ADO: variants seen among roughly 807,000 people sequenced by gnomAD.
ADO encodes the protein 2-aminoethanethiol (cysteamine) dioxygenase.
A neutral mutation model predicts 16.6 loss-of-function variants in ADO; 9 were observed. That is an observed-to-expected ratio of 0.54 (90% confidence interval 0.33 to 0.95). The LOEUF is 0.95. ADO is among the 40% of genes least tolerant of loss of function. ADO has a pLI of 0.03. For missense variants in ADO, 356 were observed against 386.4 expected (o/e 0.92, Z 0.66); for synonymous variants, 189 against 179.6 (o/e 1.05, Z -0.42).
chr10:62,805,947 G>C lies in ADO; in HGVS notation c.*75G>C. The C allele has an allele frequency of 7.4e-7, 1 of 1,343,646 alleles. No individual in the cohort carries two copies. Among genetic ancestry groups the C allele is most frequent in the Non-Finnish European group, 9.8e-7 (1 of 1,024,856 alleles). 83.2% of individuals were successfully genotyped at this position (1,343,646 alleles called of 1,614,324 possible). ...ACAAGGGCTGTGTCTCTACCCCCTA[G>C]CCTGGGCGTTGGATCTACTGGAATG... On this transcript the variant is annotated 3_prime_UTR_variant, in exon 1 of 1. Coordinates refer to ENST00000373783, the MANE Select transcript of ADO (RefSeq NM_032804.6). This position sits in a 1 kb window ranked among gnomAD's most constrained non-coding sequence, Gnocchi z 6.4.
Position 62,806,068 on chromosome 10 carries a change from GATTGTTTCC to G in ADO, c.*197_*205del, listed in dbSNP as rs1842050747. 1.9e-6 allele frequency: 1 copy of G among 517,308 alleles called. No homozygotes were observed. The highest frequency in any genetic ancestry group is 3.5e-6 in the Non-Finnish European group (1 of 288,590). The allele number at this position is 517,308 out of a possible 1,614,324, so 32.0% of individuals were successfully genotyped here. ...GGGGGCGGGGTGGGCGGGGAGGCTA[GATTGTTTCC>G]TGGTACTGTCACTGCCACTGGGGCT... On this transcript the variant is annotated 3_prime_UTR_variant, in exon 1 of 1. Transcript: ENST00000373783.
rs761288924 is a variant in ADO at position 62,805,791 on chromosome 10, G to A, written c.732G>A (p.Glu244=). The change falls in exon 1 of 1, where the codon GAG becomes GAA. Residue 244 remains glutamate, a synonymous_variant. Coordinates refer to ENST00000373783, the MANE Select transcript of ADO (RefSeq NM_032804.6). The surrounding 1 kb of genome is among the most constrained non-coding windows in gnomAD (Gnocchi z 6.4). ...ASSSACDLPR[E]VWLLETPQAD... ...GCTCGGCCTGTGACCTGCCTCGAGA[G>A]GTGTGGCTCCTGGAGACCCCACAGG... 3.8e-6 allele frequency: 6 copies of A among 1,590,486 alleles called. No homozygotes were observed. The Admixed American group carries it at 7.2e-5, about 19-fold the overall frequency.
At position 62,805,413 on chromosome 10, in the gene ADO, C is replaced by T. The variant is rs757958121; in HGVS notation, c.354C>T (p.His118=). Reference sequence around the variant, plus strand: ...CGCTGCACGACCACCCGGGCATGCACGGCATGCTCAAGGTGCTGTACGGCA... The same window carrying T: ...CGCTGCACGACCACCCGGGCATGCATGGCATGCTCAAGGTGCTGTACGGCA... ...SIPLHDHPGM[H]GMLKVLYGTV... is the part of the protein sequence containing the mutation. Residue 118 remains histidine, a synonymous_variant, in exon 1 of 1, where the codon CAC becomes CAT. Coordinates refer to ENST00000373783, the MANE Select transcript of ADO (RefSeq NM_032804.6). The surrounding 1 kb of genome is among the most constrained non-coding windows in gnomAD (Gnocchi z 6.4). The T allele has an allele frequency of 4.4e-6, 7 of 1,580,712 alleles. No homozygotes were observed. In the South Asian group the frequency reaches 4.5e-5, roughly 10 times the overall value.
In ADO at chr10:62,805,164, G is replaced by C. The variant is rs748879301; in HGVS notation, c.105G>C (p.Ala35=). 6 of 1,591,558 alleles carry C rather than the reference G, an allele frequency of 3.8e-6. No homozygotes were observed. The highest frequency in any genetic ancestry group is 5.1e-6 in the Non-Finnish European group (6 of 1,173,678). The part of the protein sequence containing the change: ...GGGRGASDRD[A]ASGPEAPMQP... ...GCCGCGGCGCTTCCGATCGCGACGCGGCTTCTGGCCCGGAGGCGCCGATGC... is the reference window on the plus strand; with the variant it reads ...GCCGCGGCGCTTCCGATCGCGACGCCGCTTCTGGCCCGGAGGCGCCGATGC... Residue 35 remains alanine (A), a synonymous_variant, in exon 1 of 1, where the codon GCG becomes GCC. Transcript: ENST00000373783. The surrounding 1 kb of genome is among the most constrained non-coding windows in gnomAD (Gnocchi z 6.4).
chr10:62,805,563 CGT>C lies in ADO; in HGVS notation c.506_507del (p.Val169AlafsTer71). On this transcript the variant is annotated frameshift_variant, in exon 1 of 1. Transcript: ENST00000373783. LOFTEE classifies it high-confidence loss of function. This position sits in a 1 kb window ranked among gnomAD's most constrained non-coding sequence, Gnocchi z 6.4. Reference protein sequence around the residue: ...PREREAVRPGVLRSRAEYTEA... With the variant: ...PREREAVRPGXLRSRAEYTEA... ...GGGAGCGAGAAGCCGTGCGGCCGGG[CGT>C]GCTGCGTTCGCGGGCCGAGTACACC... 1 of 1,562,422 alleles carries C rather than the reference CGT, an allele frequency of 6.4e-7. No individual in the cohort carries two copies. The highest frequency in any genetic ancestry group is 8.7e-7 in the Non-Finnish European group (1 of 1,154,836).
chr10:62,805,161 C>G lies in ADO; in HGVS notation c.102C>G (p.Asp34Glu), dbSNP rs538620100. 6.3e-7 allele frequency: 1 copy of G among 1,591,634 alleles called. No individual in the cohort carries two copies. The highest frequency in any genetic ancestry group is 1.8e-5 in the Admixed American group (1 of 56,108). ...GCGGCCGCGGCGCTTCCGATCGCGA[C>G]GCGGCTTCTGGCCCGGAGGCGCCGA... ...SGGGRGASDR[D>E]AASGPEAPMQ... is the part of the protein sequence containing the mutation. Residue 34 changes from aspartate to glutamate, a missense_variant, in exon 1 of 1, where the codon GAC becomes GAG. Transcript: ENST00000373783. This position sits in a 1 kb window ranked among gnomAD's most constrained non-coding sequence, Gnocchi z 6.4.
rs1357548050 is a variant in ADO, at chr10:62,806,030, C to T, written c.*158C>T. 3 of 123,166 alleles carry T rather than the reference C, an allele frequency of 2.4e-5. No homozygotes were observed. Among genetic ancestry groups the T allele is most frequent in the Non-Finnish European group, 3.2e-5 (2 of 62,080 alleles). 7.6% of individuals were successfully genotyped at this position (123,166 alleles called of 1,614,324 possible). A position where few individuals can be genotyped will look rare whatever the true frequency, so the allele number is the denominator to read the frequency against. On this transcript the variant is annotated 3_prime_UTR_variant, in exon 1 of 1. Transcript: ENST00000373783. ...GCACGGGCGACTGGACAGCAGCCGC[C>T]GGGCACGGTTATGGGGGCGGGGTGG...
chr10:62,805,310 C>T lies in ADO; in HGVS notation c.251C>T (p.Pro84Leu). The change falls in exon 1 of 1, where the codon CCA becomes CTA. Residue 84 changes from proline to leucine, a missense_variant. Coordinates refer to ENST00000373783, the MANE Select transcript of ADO (RefSeq NM_032804.6). The surrounding 1 kb of genome is among the most constrained non-coding windows in gnomAD (Gnocchi z 6.4). The stretch of plus-strand genomic sequence containing the variant: ...CAGCCGCTGCCGCCCAACCTGCCGC[C>T]AGTCACCTACATGCACATCTACGAG... ...TLQPLPPNLPPVTYMHIYETD... is the reference protein window; with the variant it reads ...TLQPLPPNLPLVTYMHIYETD... The T allele has an allele frequency of 6.2e-7, 1 of 1,604,214 alleles. No individual in the cohort carries two copies. The highest frequency in any genetic ancestry group is 8.5e-7 in the Non-Finnish European group (1 of 1,179,256).
rs906020578 is a variant in ADO at position 62,805,016 on chromosome 10, G to T, written c.-44G>T. 3 of 1,396,110 alleles carry T rather than the reference G, an allele frequency of 2.1e-6. No individual in the cohort carries two copies. Among genetic ancestry groups the T allele is most frequent in the Non-Finnish European group, 2.8e-6 (3 of 1,075,252 alleles). 86.5% of individuals were successfully genotyped at this position (1,396,110 alleles called of 1,614,324 possible). A position where few individuals can be genotyped will look rare whatever the true frequency, so the allele number is the denominator to read the frequency against. ...GCCGCCGGGGACCGCAAGGGGCGGA[G>T]GAAAGGAGGGGGCCGGTCCCGGCAC... On this transcript the variant is annotated 5_prime_UTR_variant, in exon 1 of 1. In the 5' UTR this introduces an upstream ATG that the reference lacks. Coordinates refer to ENST00000373783, the MANE Select transcript of ADO (RefSeq NM_032804.6). The surrounding 1 kb of genome is among the most constrained non-coding windows in gnomAD (Gnocchi z 6.4).
rs987898256 is a variant in ADO, at chr10:62,805,922, A to G, written c.*50A>G. 1.4e-6 allele frequency: 2 copies of G among 1,413,896 alleles called. No homozygotes were observed. The highest frequency in any genetic ancestry group is 5.4e-5 in the East Asian group (2 of 37,218). The allele number at this position is 1,413,896 out of a possible 1,614,324, so 87.6% of individuals were successfully genotyped here. A position where few individuals can be genotyped will look rare whatever the true frequency, so the allele number is the denominator to read the frequency against. Reference sequence around the variant, plus strand: ...GGCCGAAGACGTGCCCTACCCTACCACAAGGGCTGTGTCTCTACCCCCTAG... The same window carrying G: ...GGCCGAAGACGTGCCCTACCCTACCGCAAGGGCTGTGTCTCTACCCCCTAG... On this transcript the variant is annotated 3_prime_UTR_variant, in exon 1 of 1. Coordinates refer to ENST00000373783, the MANE Select transcript of ADO (RefSeq NM_032804.6). The surrounding 1 kb of genome is among the most constrained non-coding windows in gnomAD (Gnocchi z 6.4).
In ADO at chr10:62,805,371, G is replaced by C; in HGVS notation, c.312G>C (p.Lys104Asn). ...DGFSLGVFLL[K>N]SGTSIPLHDH... ...TCAGCCTGGGCGTGTTCCTGCTCAA[G>C]AGCGGCACGTCCATCCCGCTGCACG... Residue 104 changes from lysine (K) to asparagine (N), a missense_variant, in exon 1 of 1, where the codon AAG (lysine) becomes AAC (asparagine). Coordinates refer to ENST00000373783, the MANE Select transcript of ADO (RefSeq NM_032804.6). The surrounding 1 kb of genome is among the most constrained non-coding windows in gnomAD (Gnocchi z 6.4). The C allele has an allele frequency of 6.3e-7, 1 of 1,599,794 alleles. No homozygotes were observed. The highest frequency in any genetic ancestry group is 2.2e-5 in the East Asian group (1 of 44,474).
Position 62,805,710 on chromosome 10 carries a change from C to A in ADO, c.651C>A (p.Gly217=). The A allele has an allele frequency of 6.2e-7, 1 of 1,610,760 alleles. No individual in the cohort carries two copies. Residue 217 remains glycine, a synonymous_variant, in exon 1 of 1, where the codon GGC becomes GGA. Transcript: ENST00000373783. The surrounding 1 kb of genome is among the most constrained non-coding windows in gnomAD (Gnocchi z 6.4). ...ILAPPYDPDD[G]RDCHYYRVLE... is the part of the protein sequence containing the mutation. The stretch of plus-strand genomic sequence containing the variant: ...CCCCGCCCTACGACCCGGACGATGG[C>A]CGGGACTGCCACTATTACCGGGTGC...
rs747529316 is a variant in ADO at position 62,807,647 on chromosome 10, T to C, written c.*1775T>C. 1.2e-5 allele frequency: 2 copies of C among 167,238 alleles called. No homozygotes were observed. The highest frequency in any genetic ancestry group is 2.9e-5 in the Non-Finnish European group (2 of 68,126). 10.4% of individuals were successfully genotyped at this position (167,238 alleles called of 1,614,324 possible). A position where few individuals can be genotyped will look rare whatever the true frequency, so the allele number is the denominator to read the frequency against. ...AACCTGACACAGGCATAGTACCAAG[T>C]ATTTCCTGCATTGTTGCTAAAATTG... On this transcript the variant is annotated 3_prime_UTR_variant, in exon 1 of 1. Coordinates refer to ENST00000373783, the MANE Select transcript of ADO (RefSeq NM_032804.6).
At position 62,805,810 on chromosome 10, in the gene ADO, C is replaced by G; in HGVS notation, c.751C>G (p.Pro251Ala). Residue 251 changes from proline (P) to alanine (A), a missense_variant, in exon 1 of 1, where the codon CCA (proline) becomes GCA (alanine). Pro to Ala is a conservative substitution (Grantham distance 27). Transcript: ENST00000373783. This position sits in a 1 kb window ranked among gnomAD's most constrained non-coding sequence, Gnocchi z 6.4. ...LPREVWLLET[P>A]QADDFWCEGE... is the part of the protein sequence containing the mutation. The stretch of plus-strand genomic sequence containing the variant: ...TCGAGAGGTGTGGCTCCTGGAGACC[C>G]CACAGGCCGATGACTTCTGGTGCGA... The G allele has an allele frequency of 6.3e-7, 1 of 1,579,474 alleles. No individual in the cohort carries two copies. The highest frequency in any genetic ancestry group is 1.2e-5 in the South Asian group (1 of 86,308).
rs1451107937 is a variant in ADO, at chr10:62,805,092, A to G, written c.33A>G (p.Gln11=). 3 of 1,526,542 alleles carry G rather than the reference A, an allele frequency of 2.0e-6. No homozygotes were observed. The African/African-American group carries it at 4.2e-5, about 21-fold the overall frequency. The allele number at this position is 1,526,542 out of a possible 1,614,324, so 94.6% of individuals were successfully genotyped here. A position where few individuals can be genotyped will look rare whatever the true frequency, so the allele number is the denominator to read the frequency against. MPRDNMASLI[Q]RIARQACLTF... is the part of the protein sequence containing the mutation. ...GAGACAACATGGCCTCCTTGATCCAACGGATCGCCCGCCAGGCTTGCCTCA... is the reference window on the plus strand; with the variant it reads ...GAGACAACATGGCCTCCTTGATCCAGCGGATCGCCCGCCAGGCTTGCCTCA... Residue 11 remains glutamine (Q), a synonymous_variant, in exon 1 of 1, where the codon CAA becomes CAG. Transcript: ENST00000373783. The surrounding 1 kb of genome is among the most constrained non-coding windows in gnomAD (Gnocchi z 6.4).
chr10:62,807,816 G>GT lies in ADO; in HGVS notation c.*1953dup, dbSNP rs907045250. 2.4e-4 allele frequency: 39 copies of GT among 165,084 alleles called. No individual in the cohort carries two copies. Among genetic ancestry groups the GT allele is most frequent in the East Asian group, 1.9e-3 (10 of 5,296 alleles). The allele number at this position is 165,084 out of a possible 1,614,324, so 10.2% of individuals were successfully genotyped here. ...AAAACTTCACAAAATAAAAGATCTT[G>GT]TTTTTTTTTCCATAGCACAGTAATG... On this transcript the variant is annotated 3_prime_UTR_variant, in exon 1 of 1. Transcript: ENST00000373783.
chr10:62,805,915 C>A lies in ADO; in HGVS notation c.*43C>A. 7.0e-7 allele frequency: 1 copy of A among 1,431,772 alleles called. No homozygotes were observed. Among genetic ancestry groups the A allele is most frequent in the South Asian group, 1.5e-5 (1 of 67,862 alleles). 88.7% of individuals were successfully genotyped at this position (1,431,772 alleles called of 1,614,324 possible). ...AGCGGTGGGCCGAAGACGTGCCCTA[C>A]CCTACCACAAGGGCTGTGTCTCTAC... On this transcript the variant is annotated 3_prime_UTR_variant, in exon 1 of 1. Transcript: ENST00000373783. The surrounding 1 kb of genome is among the most constrained non-coding windows in gnomAD (Gnocchi z 6.4).
At position 62,805,079 on chromosome 10, in the gene ADO, C is replaced by T. The variant is rs531829189; in HGVS notation, c.20C>T (p.Ala7Val). 4 of 1,512,330 alleles carry T rather than the reference C, an allele frequency of 2.6e-6. No homozygotes were observed. The South Asian group carries it at 4.0e-5, about 15-fold the overall frequency. 93.7% of individuals were successfully genotyped at this position (1,512,330 alleles called of 1,614,324 possible). A position where few individuals can be genotyped will look rare whatever the true frequency, so the allele number is the denominator to read the frequency against. Residue 7 changes from alanine to valine, a missense_variant, in exon 1 of 1, where the codon GCC becomes GTC. Ala to Val is a moderately conservative substitution (Grantham distance 64, BLOSUM62 0). Transcript: ENST00000373783. The surrounding 1 kb of genome is among the most constrained non-coding windows in gnomAD (Gnocchi z 6.4). ...CCGACCATGCCCCGAGACAACATGG[C>T]CTCCTTGATCCAACGGATCGCCCGC... MPRDNM[A>V]SLIQRIARQA... is the part of the protein sequence containing the mutation.
In ADO at chr10:62,805,988, C is replaced by T; in HGVS notation, c.*116C>T. 1.2e-6 allele frequency: 1 copy of T among 864,666 alleles called. No homozygotes were observed. The highest frequency in any genetic ancestry group is 4.8e-4 in the Middle Eastern group (1 of 2,086). 53.6% of individuals were successfully genotyped at this position (864,666 alleles called of 1,614,324 possible). ...TACTGGAATGAGCAGCAGCCGCTTCCTCGGCAGCCTTGGGAAGCACGGGCG... is the reference window on the plus strand; with the variant it reads ...TACTGGAATGAGCAGCAGCCGCTTCTTCGGCAGCCTTGGGAAGCACGGGCG... On this transcript the variant is annotated 3_prime_UTR_variant, in exon 1 of 1. Transcript: ENST00000373783. The surrounding 1 kb of genome is among the most constrained non-coding windows in gnomAD (Gnocchi z 6.4).
Sources: gnomAD v4.1 joint callset for allele counts on GRCh38, gnomAD v4.1.1 for gene constraint, Gnocchi (gnomAD v3.1) non-coding constraint, MANE v1.5 for transcripts, NCBI Gene and HGNC (gene_info 2026-07-23, HGNC 2026-07-21) for gene names.